FTCDNL1: variants seen among roughly 807,000 people sequenced by gnomAD.
FTCDNL1 encodes formiminotransferase N-terminal subdomain-containing protein.
In FTCDNL1, 11 loss-of-function variants were observed where a neutral mutation model predicts 5.9. The ratio of observed to expected loss-of-function variants is 1.87; its 90% CI spans 1.18 to 3.10. The LOEUF is 3.10. Ranked by LOEUF, FTCDNL1 falls within the 30% of genes most tolerant of loss-of-function variation. FTCDNL1 has a pLI of 0.00. For synonymous variants in FTCDNL1, 58 were observed against 24.8 expected (o/e 2.34, Z -3.99); for missense variants, 115 against 65.5 (o/e 1.76, Z -2.61).
Position 199,809,890 on chromosome 2 carries a change from T to C in FTCDNL1, c.*2815A>G, listed in dbSNP as rs1700936231. Among the ~76,000 whole-genome samples the C allele has an allele frequency of 8.8e-6, 1 of 113,650 alleles. No homozygotes were observed. Among genetic ancestry groups the C allele is most frequent in the East Asian group, 2.7e-4 (1 of 3,664 alleles). 74.6% of individuals were successfully genotyped at this position (113,650 alleles called of 152,430 possible). On this transcript the variant is annotated 3_prime_UTR_variant, in exon 5 of 5. Coordinates refer to ENST00000420128, the MANE Select transcript of FTCDNL1 (RefSeq NM_001363886.2). ...GTAACCCTCTCATTTTTTAGTCACT[T>C]AGTACCTGATTTTTTTTTTTTTTGG...
intron 3 of FTCDNL1, among the ~76,000 whole-genome samples, chr2:199,778,891 G>T (rs760763337): frequency 6.6e-6 from 1 of 152,124 alleles, no homozygotes; most frequent in Non-Finnish European, 1.5e-5. Context: ...GCTCTATAAA[G>T]CGCATGAGTA....
At chr2:199,718,561 T>A in the FTCDNL1 span, among the ~76,000 whole-genome samples, 2 of 152,008 alleles carry the variant, frequency 1.3e-5, no homozygotes, top group Non-Finnish European at 2.9e-5. Flanking sequence ...TTTGTGTAGA[T>A]ACTCAGTAGT....
At chr2:199,714,957 G>A in the FTCDNL1 span, among the ~76,000 whole-genome samples, 4 of 140,104 alleles carry the variant, frequency 2.9e-5, no homozygotes, top group African/African-American at 5.2e-5. Context: ...GTGGAGGGAG[G>A]GGGGAGGGAT....
chr2:199,846,021 T>C (rs2106634526), intron 3 of FTCDNL1, 54 bp downstream of exon 3: 1 of 648,956 alleles, frequency 1.5e-6, no homozygotes, highest in Non-Finnish European at 2.8e-6. Flanking sequence ...AATGTTCAGG[T>C]CTACCTGAAC....
chr2:199,849,187 C>T (rs946272604), intron 1 of FTCDNL1, among the ~76,000 whole-genome samples: 31 of 152,214 alleles, frequency 2.0e-4, no homozygotes, highest in African/African-American at 7.5e-4. Flanking sequence ...TGTAACGACA[C>T]TGGAAAATAC....
chr2:199,849,330 A>G (rs1385689216), intron 1 of FTCDNL1, among the ~76,000 whole-genome samples: 1 of 152,178 alleles, frequency 6.6e-6, no homozygotes, highest in African/African-American at 2.4e-5. Flanking sequence ...ACAAACAGGT[A>G]TGTTTTTTTT....
intron 3 of FTCDNL1, among the ~76,000 whole-genome samples, chr2:199,769,967 TA>T (rs1698731684): frequency 6.6e-6 from 1 of 152,234 alleles, no homozygotes; most frequent in East Asian, 1.9e-4. Flanking sequence ...ATCTATCCTC[TA>T]AAGCTCAGCT....
At chr2:199,694,954 C>T in the FTCDNL1 span, among the ~76,000 whole-genome samples, 5 of 152,214 alleles carry the variant, frequency 3.3e-5, no homozygotes, top group Admixed American at 2.0e-4. Context: ...TCTCTGGGAT[C>T]TAGCTGCAGG....
At chr2:199,768,768 C>T (rs1698662418) in intron 3 of FTCDNL1, among the ~76,000 whole-genome samples, 1 of 152,106 alleles carries the variant, frequency 6.6e-6, no homozygotes, top group African/African-American at 2.4e-5. Flanking sequence ...AAGAGTTCTA[C>T]TTGTATCATT....
At chr2:199,677,611 TA>T in the FTCDNL1 span, among the ~76,000 whole-genome samples, 3 of 152,132 alleles carry the variant, frequency 2.0e-5, no homozygotes, top group Non-Finnish European at 4.4e-5. Flanking sequence ...TTATGATAAA[TA>T]AATGTGGAAA....
the FTCDNL1 span, among the ~76,000 whole-genome samples, chr2:199,722,856 T>C: frequency 6.6e-6 from 1 of 152,192 alleles, no homozygotes; most frequent in East Asian, 1.9e-4. Flanking sequence ...GTTAGTTGTA[T>C]TCCTGGGTAT....
chr2:199,753,447 C>T, the FTCDNL1 span, among the ~76,000 whole-genome samples: 1 of 152,212 alleles, frequency 6.6e-6, no homozygotes, highest in East Asian at 1.9e-4. Flanking sequence ...GCATCTTCCC[C>T]AGTTACAGTG....
At chr2:199,764,703 T>C (rs1188870303) in intron 3 of FTCDNL1, among the ~76,000 whole-genome samples, 1 of 152,186 alleles carries the variant, frequency 6.6e-6, no homozygotes, top group Non-Finnish European at 1.5e-5. Flanking sequence ...TCTGGCCTTT[T>C]ACCGGAGCAG....
the FTCDNL1 span, among the ~76,000 whole-genome samples, chr2:199,681,659 A>C: frequency 3.6e-3 from 546 of 152,328 alleles, 3 homozygotes; most frequent in African/African-American, 0.013. Flanking sequence ...GAGAAACAAA[A>C]GAGGATCATG....
rs564156798 is a variant in FTCDNL1, at chr2:199,851,150, C to G, written c.-418G>C. 1 of 137,598 alleles carries G rather than the reference C, an allele frequency of 7.3e-6. No individual in the cohort carries two copies. The highest frequency in any genetic ancestry group is 1.5e-5 in the Non-Finnish European group (1 of 65,310). The allele number at this position is 137,598 out of a possible 1,614,324, so 8.5% of individuals were successfully genotyped here. On this transcript the variant is annotated 5_prime_UTR_variant, in exon 1 of 5. Coordinates refer to ENST00000420128, the MANE Select transcript of FTCDNL1 (RefSeq NM_001363886.2). ...CCGCGCGTGGCCCGCGCGCAGCCTC[C>G]GCCGCCGCGCGTGGCCCGCGCGCAG...
intron 3 of FTCDNL1, among the ~76,000 whole-genome samples, chr2:199,840,922 G>A (rs557691894): frequency 6.6e-6 from 1 of 152,222 alleles, no homozygotes; most frequent in African/African-American, 2.4e-5. Context: ...AGAGGCTGAG[G>A]TGGGGATTGC....
In FTCDNL1 at chr2:199,851,023, C is replaced by G. The variant is rs1009383530; in HGVS notation, c.-291G>C. 3 of 151,168 alleles carry G rather than the reference C, an allele frequency of 2.0e-5. No individual in the cohort carries two copies. The highest frequency in any genetic ancestry group is 4.4e-5 in the Non-Finnish European group (3 of 67,440). 9.4% of individuals were successfully genotyped at this position (151,168 alleles called of 1,614,324 possible). On this transcript the variant is annotated 5_prime_UTR_variant, in exon 1 of 5. Coordinates refer to ENST00000420128, the MANE Select transcript of FTCDNL1 (RefSeq NM_001363886.2). ...GGCTGCGCTGCCCCGGCCGAGCTCT[C>G]GAACCAGCGGCCGCGCCTGCCGCTC... is the stretch of plus-strand genomic sequence containing the variant.
At chr2:199,793,308 A>G (rs1049353458) in intron 3 of FTCDNL1, among the ~76,000 whole-genome samples, 3 of 152,212 alleles carry the variant, frequency 2.0e-5, no homozygotes, top group Non-Finnish European at 2.9e-5. Context: ...ATTCTTATCT[A>G]GTCCTCAACA....
chr2:199,782,987 A>T (rs1699446456), intron 3 of FTCDNL1, among the ~76,000 whole-genome samples: 1 of 152,238 alleles, frequency 6.6e-6, no homozygotes, highest in African/African-American at 2.4e-5. Flanking sequence ...TGTATAAAAT[A>T]AGCAACCCTC....
Sources: gnomAD v4.1 joint callset for allele counts (sites outside exome capture counted in the v4.1 genomes callset) on GRCh38, gnomAD v4.1.1 for gene constraint, MANE v1.5 for transcripts, NCBI Gene and HGNC (gene_info 2026-07-23, HGNC 2026-07-21) for gene names.